Variants in TENM3 observed in about 807,000 individuals in gnomAD.
The protein encoded by TENM3 is teneurin transmembrane protein 3.
Under a neutral mutation model 255.1 loss-of-function variants are expected in TENM3, and 63 were observed. That is an observed-to-expected ratio of 0.25 (90% CI 0.20 to 0.30). The LOEUF (loss-of-function observed/expected upper bound fraction) is 0.30. Among genes scored for constraint, TENM3 ranks in the 10% least tolerant of loss-of-function variants. TENM3 has a pLI of 1.00. For missense variants in TENM3, 2,929 were observed against 3,461.1 expected, an observed-to-expected ratio of 0.85 and a Z score of 3.86; for synonymous variants, 1,306 against 1,322.3, an observed-to-expected ratio of 0.99 and a Z score of 0.27.
intron 2 of TENM3, 38 bp downstream of exon 2, chr4:182,324,290 G>A (rs1281015319): frequency 6.9e-7 from 1 of 1,459,336 alleles, no homozygotes; most frequent in Non-Finnish European, 9.6e-7. Context: ...CAATGCTCAC[G>A]TTACTAACTT....
At chr4:181,503,397 T>A in the TENM3 span, among the ~76,000 whole-genome samples, 1 of 152,112 alleles carries the variant, frequency 6.6e-6, no homozygotes, top group East Asian at 1.9e-4. Flanking sequence ...ATATGATCAT[T>A]TATACAGTGA....
At chr4:182,133,150 T>C in the TENM3 span, among the ~76,000 whole-genome samples, 14,505 of 152,280 alleles carry the variant, frequency 0.095, 957 homozygotes, top group South Asian at 0.15. Context: ...ATCTGCAATA[T>C]AAGAGAAAAC....
intron 3 of TENM3, among the ~76,000 whole-genome samples, chr4:182,434,083 T>C (rs1031866335): frequency 1.3e-5 from 2 of 151,460 alleles, no homozygotes; most frequent in African/African-American, 4.9e-5. Context: ...CATTGCAATC[T>C]AGCCTGGGTG....
At chr4:182,697,269 G>A (rs2152624142) in intron 12 of TENM3, among the ~76,000 whole-genome samples, 1 of 152,238 alleles carries the variant, frequency 6.6e-6, no homozygotes, top group Non-Finnish European at 1.5e-5. Flanking sequence ...TACAAGGAGA[G>A]CTAATCCCCT....
intron 1 of TENM3, among the ~76,000 whole-genome samples, chr4:182,274,249 T>C (rs1759840762): frequency 6.6e-6 from 1 of 152,232 alleles, no homozygotes; most frequent in South Asian, 2.1e-4. Context: ...TTTTGTACAT[T>C]GTAGTCTTCT....
At chr4:181,800,636 A>C in the TENM3 span, among the ~76,000 whole-genome samples, 1 of 152,174 alleles carries the variant, frequency 6.6e-6, no homozygotes, top group Non-Finnish European at 1.5e-5. Context: ...CCATCTCAAA[A>C]AAAGAATTCC....
At chr4:181,882,778 T>C in the TENM3 span, among the ~76,000 whole-genome samples, 1 of 152,218 alleles carries the variant, frequency 6.6e-6, no homozygotes, top group African/African-American at 2.4e-5. Flanking sequence ...TCCAACACTT[T>C]CTTCTAAATT....
At chr4:181,696,601 A>G in the TENM3 span, among the ~76,000 whole-genome samples, 1 of 152,230 alleles carries the variant, frequency 6.6e-6, no homozygotes. Context: ...ATATCTGACT[A>G]GGTAGAATGT....
At chr4:182,486,422 G>T (rs1734727287) in intron 3 of TENM3, among the ~76,000 whole-genome samples, 1 of 151,944 alleles carries the variant, frequency 6.6e-6, no homozygotes, top group Non-Finnish European at 1.5e-5. Context: ...TGGCTGGATG[G>T]CCACATCCCA....
chr4:182,487,819 C>T (rs1263637628), intron 3 of TENM3, among the ~76,000 whole-genome samples: 2 of 151,954 alleles, frequency 1.3e-5, no homozygotes, highest in African/African-American at 4.8e-5. Flanking sequence ...ATTCTCAGGT[C>T]CAGTGGGTGA....
At chr4:182,449,058 C>T (rs1006795082) in intron 3 of TENM3, 25 of 357,488 alleles carry the variant, frequency 7.0e-5, no homozygotes, top group African/African-American at 4.9e-4. Flanking sequence ...TTCCTCACGG[C>T]CACAGCGAGG....
At chr4:181,872,594 CATA>C in the TENM3 span, among the ~76,000 whole-genome samples, 3 of 152,248 alleles carry the variant, frequency 2.0e-5, no homozygotes, top group South Asian at 2.1e-4. Flanking sequence ...CACAAATGTC[CATA>C]ATATTTCTTT....
At chr4:182,150,897 C>T (rs1271330723) in intron 1 of TENM3, among the ~76,000 whole-genome samples, 1 of 152,110 alleles carries the variant, frequency 6.6e-6, no homozygotes. Context: ...TAGCAGCACA[C>T]TCTGAATAAG....
At chr4:182,118,785 A>G in the TENM3 span, among the ~76,000 whole-genome samples, 44,094 of 152,070 alleles carry the variant, frequency 0.29, 7,259 homozygotes, top group East Asian at 0.68. Flanking sequence ...AACCAGCCTT[A>G]CATACCTGGG....
chr4:182,033,956 C>T, the TENM3 span, among the ~76,000 whole-genome samples: 1 of 151,976 alleles, frequency 6.6e-6, no homozygotes, highest in Non-Finnish European at 1.5e-5. Context: ...ATGTATTAGT[C>T]TGTTCTCACA....
chr4:182,214,608 C>G (rs1755325804), intron 1 of TENM3, among the ~76,000 whole-genome samples: 1 of 151,660 alleles, frequency 6.6e-6, no homozygotes. Flanking sequence ...TCAAGTGATC[C>G]TCCTCCCTCA....
chr4:182,714,237 A>G lies in TENM3; in HGVS notation c.2368+4A>G. On this transcript the variant is annotated splice_donor_region_variant and intron_variant, in intron 13 of 27. Transcript: ENST00000511685. ...GATAGCAAGGACAATGAAGGAGGTA[A>G]GAAATACTGAGCATGAACACGAGTC... 6 of 1,608,924 alleles carry G rather than the reference A, an allele frequency of 3.7e-6. No individual in the cohort carries two copies. The highest frequency in any genetic ancestry group is 1.1e-5 in the South Asian group (1 of 90,716).
At position 182,673,036 on chromosome 4, in the gene TENM3, C is replaced by T; in HGVS notation, c.1143C>T (p.Asn381=). ...TAGGTGGATTTACGCAAGAAAATAACACCATAGATTCCGGAGAACTTGATA... is the reference window on the plus strand; with the variant it reads ...TAGGTGGATTTACGCAAGAAAATAATACCATAGATTCCGGAGAACTTGATA... ...GKLGGFTQEN[N]TIDSGELDIG... Residue 381 remains asparagine (N), a synonymous_variant, in exon 7 of 28, where the codon AAC becomes AAT. Coordinates refer to ENST00000511685, the MANE Select transcript of TENM3 (RefSeq NM_001080477.4). 1 of 1,599,888 alleles carries T rather than the reference C, an allele frequency of 6.3e-7. No individual in the cohort carries two copies. Among genetic ancestry groups the T allele is most frequent in the Non-Finnish European group, 8.5e-7 (1 of 1,172,016 alleles).
the TENM3 span, among the ~76,000 whole-genome samples, chr4:181,858,320 C>T: frequency 6.6e-6 from 1 of 152,130 alleles, no homozygotes. Flanking sequence ...CCTTGCCTTG[C>T]TCTTACTTTT....
Sources: gnomAD v4.1 joint callset for allele counts (sites outside exome capture counted in the v4.1 genomes callset) on GRCh38, gnomAD v4.1.1 for gene constraint, MANE v1.5 for transcripts, NCBI Gene and HGNC (gene_info 2026-07-23, HGNC 2026-07-21) for gene names.